PIN4: variants seen among roughly 807,000 people sequenced by gnomAD.
The protein encoded by PIN4 is peptidyl-prolyl cis-trans isomerase NIMA-interacting 4.
PIN4 carries 3 observed loss-of-function variants against 8.3 expected under a neutral mutation model. The ratio of observed to expected loss-of-function variants is 0.36; its 90% CI spans 0.16 to 0.93. The LOEUF (loss-of-function observed/expected upper bound fraction) is 0.93. Ranked by LOEUF, PIN4 falls within the 40% of genes least tolerant of loss-of-function variation. PIN4 has a pLI of 0.44. For missense variants in PIN4, 75 were observed against 100.6 expected, an observed-to-expected ratio of 0.75 and a Z score of 1.09; for synonymous variants, 18 against 32.5, an observed-to-expected ratio of 0.55 and a Z score of 1.52.
At chrX:72,230,710 C>G (rs972234779) in intron 3 of PIN4, among the ~76,000 whole-genome samples, 3 of 112,220 alleles carry the variant, frequency 2.7e-5, no homozygotes, top group Non-Finnish European at 5.6e-5. Context: ...CGCCTGTAAT[C>G]CCAGCACTTT....
chrX:72,212,624 A>G (rs748221285), intron 3 of PIN4, among the ~76,000 whole-genome samples: 27 of 112,120 alleles, frequency 2.4e-4, no homozygotes, highest in Non-Finnish European at 4.3e-4. Context: ...CCTTTAGAAC[A>G]TTCCCTACAA....
intron 2 of PIN4, among the ~76,000 whole-genome samples, chrX:72,187,392 A>G (rs1009585712): frequency 1.2e-4 from 13 of 112,318 alleles, no homozygotes; most frequent in South Asian, 3.6e-4. Flanking sequence ...TAGTCAGGAT[A>G]TGGGAGGCTG....
intron 3 of PIN4, among the ~76,000 whole-genome samples, chrX:72,260,132 G>T (rs746280798): frequency 6.3e-5 from 7 of 111,225 alleles, no homozygotes; most frequent in Non-Finnish European, 1.1e-4. Context: ...ATTCCAAAGG[G>T]GCTGGGCTGG....
intron 3 of PIN4, among the ~76,000 whole-genome samples, chrX:72,243,575 T>C (rs1201744844): frequency 8.9e-6 from 1 of 112,069 alleles, no homozygotes; most frequent in Non-Finnish European, 1.9e-5. Flanking sequence ...TCCTCTTCTC[T>C]GCTTCTGTGT....
chrX:72,212,945 C>T (rs993064072), intron 3 of PIN4, among the ~76,000 whole-genome samples: 3 of 103,677 alleles, frequency 2.9e-5, no homozygotes, highest in Non-Finnish European at 6.0e-5. Flanking sequence ...GACCCTGTCT[C>T]AAAAAAAAAA....
chrX:72,241,839 G>C (rs780170297), intron 3 of PIN4, among the ~76,000 whole-genome samples: 1 of 111,141 alleles, frequency 9.0e-6, no homozygotes, highest in African/African-American at 3.3e-5. Context: ...ATATGAGTTT[G>C]AGTCTATGGC....
At chrX:72,208,719 AGAG>A in intron 3 of PIN4, 1 of 1,122,492 alleles carries the variant, frequency 8.9e-7, no homozygotes, top group Non-Finnish European at 1.2e-6. Flanking sequence ...AAAAAGAAGA[AGAG>A]GAGAAAGGAA....
chrX:72,222,838 C>T (rs907779415), intron 3 of PIN4, among the ~76,000 whole-genome samples: 25 of 106,133 alleles, frequency 2.4e-4, no homozygotes, highest in African/African-American at 7.5e-4. Flanking sequence ...CCTCGTGATC[C>T]ACCCGCCTCG....
intron 3 of PIN4, among the ~76,000 whole-genome samples, chrX:72,219,842 C>T (rs1443710605): frequency 2.4e-4 from 21 of 88,518 alleles, no homozygotes; most frequent in Non-Finnish European, 3.8e-4. Context: ...AGTGAGACTC[C>T]GTCTCAAAAA....
chrX:72,207,060 T>G, intron 3 of PIN4: 1 of 1,211,743 alleles, frequency 8.3e-7, no homozygotes, highest in Non-Finnish European at 1.1e-6. Context: ...TTCGGTAAAC[T>G]CTATCCACAG....
intron 3 of PIN4, among the ~76,000 whole-genome samples, chrX:72,234,268 G>A (rs1020442245): frequency 1.8e-5 from 2 of 112,312 alleles, no homozygotes; most frequent in Middle Eastern, 4.2e-3. Context: ...AATCCGGAGA[G>A]CAAGGGCTCC....
chrX:72,248,104 C>T (rs1009091136), intron 3 of PIN4, among the ~76,000 whole-genome samples: 9 of 109,705 alleles, frequency 8.2e-5, no homozygotes, highest in Non-Finnish European at 1.7e-4. Context: ...AGGTTAATTG[C>T]CTTGCACGAG....
rs769356424 is a variant in PIN4, at chrX:72,198,236, C to T, written c.*710C>T. The T allele has an allele frequency of 4.0e-4, 298 of 741,250 alleles. 1 individual carries two copies. Among genetic ancestry groups the T allele is most frequent in the Non-Finnish European group, 4.6e-4 (287 of 628,741 alleles). 61.1% of individuals were successfully genotyped at this position (741,250 alleles called of 1,213,427 possible). ...TTTCCAGGGCCAATGTTCTGTGCAT[C>T]TAAATTTTTAAAATTTAAAATGCCA... On this transcript the variant is annotated 3_prime_UTR_variant, in exon 4 of 4. Transcript: ENST00000373669.
intron 3 of PIN4, among the ~76,000 whole-genome samples, chrX:72,250,929 G>C (rs755464496): frequency 9.3e-6 from 1 of 107,439 alleles, no homozygotes; most frequent in Non-Finnish European, 1.9e-5. Flanking sequence ...TAGTAGATAT[G>C]GGGGTTTTGT....
chrX:72,198,035 G>A lies in PIN4; in HGVS notation c.*509G>A, dbSNP rs1220707153. 2 of 739,692 alleles carry A rather than the reference G, an allele frequency of 2.7e-6. No homozygotes were observed. The highest frequency in any genetic ancestry group is 6.9e-5 in the South Asian group (1 of 14,498). 61.0% of individuals were successfully genotyped at this position (739,692 alleles called of 1,213,427 possible). ...CTTAACATAGTACGTGGCACGTTAT[G>A]CCTTTCAGTGTTAACTCCTTTCTTT... is the stretch of plus-strand genomic sequence containing the variant. On this transcript the variant is annotated 3_prime_UTR_variant, in exon 4 of 4. Transcript: ENST00000373669.
chrX:72,261,631 C>A (rs909424783), intron 3 of PIN4, among the ~76,000 whole-genome samples: 2 of 112,418 alleles, frequency 1.8e-5, no homozygotes, highest in Admixed American at 9.4e-5. Context: ...ACCTGCTCAA[C>A]TTGGTGCCCT....
chrX:72,239,644 C>T (rs1157327262), intron 3 of PIN4, among the ~76,000 whole-genome samples: 1 of 109,777 alleles, frequency 9.1e-6, no homozygotes, highest in East Asian at 2.9e-4. Flanking sequence ...TGGTGGCGGG[C>T]GCCCGCAGTC....
At chrX:72,189,618 A>G (rs1446368536) in intron 2 of PIN4, among the ~76,000 whole-genome samples, 1 of 111,882 alleles carries the variant, frequency 8.9e-6, no homozygotes, top group African/African-American at 3.3e-5. Flanking sequence ...GTAAGATCTG[A>G]AACTTTTTGA....
chrX:72,207,286 C>T, intron 3 of PIN4: 1 of 1,210,517 alleles, frequency 8.3e-7, no homozygotes, highest in Non-Finnish European at 1.1e-6. Context: ...CTTTAAGAGG[C>T]GTTCAATGAT....
Sources: gnomAD v4.1 joint callset for allele counts (sites outside exome capture counted in the v4.1 genomes callset) on GRCh38, gnomAD v4.1.1 for gene constraint, MANE v1.5 for transcripts, NCBI Gene and HGNC (gene_info 2026-07-23, HGNC 2026-07-21) for gene names.